CDK5RAP2: variants seen among roughly 807,000 people sequenced by gnomAD.
CDK5RAP2 encodes the protein CDK5 regulatory subunit-associated protein 2.
A neutral mutation model predicts 232.9 loss-of-function variants in CDK5RAP2; 147 were observed. The observed-to-expected ratio is 0.63, with a 90% CI of 0.55 to 0.72. The LOEUF (loss-of-function observed/expected upper bound fraction) is 0.72, where lower values mean the gene tolerates loss of function less well. Among genes scored for constraint, CDK5RAP2 ranks in the 30% least tolerant of loss-of-function variants. The pLI, the probability that CDK5RAP2 is intolerant of heterozygous loss-of-function variation, is 0.00. For synonymous variants in CDK5RAP2, 833 were observed against 833.7 expected, an observed-to-expected ratio of 1.00 and a Z score of 0.01; for missense variants, 2,195 against 2,231.5, an observed-to-expected ratio of 0.98 and a Z score of 0.33.
chr9:120,513,492 T>C (rs1222501203), intron 12 of CDK5RAP2, among the ~76,000 whole-genome samples: 1 of 152,082 alleles, frequency 6.6e-6, no homozygotes, highest in Non-Finnish European at 1.5e-5. Context: ...AGCCCCAAAC[T>C]CTTCTTCCCC....
intron 3 of CDK5RAP2, among the ~76,000 whole-genome samples, chr9:120,561,280 T>C (rs559138625): frequency 6.6e-6 from 1 of 152,278 alleles, no homozygotes; most frequent in South Asian, 2.1e-4. Flanking sequence ...AAGTATCTTA[T>C]AAATAATACT....
At chr9:120,478,788 A>G (rs1465165262) in intron 14 of CDK5RAP2, among the ~76,000 whole-genome samples, 1 of 152,158 alleles carries the variant, frequency 6.6e-6, no homozygotes, top group Non-Finnish European at 1.5e-5. Flanking sequence ...AATAACAAAC[A>G]AACAAACAAA....
intron 24 of CDK5RAP2, 114 bp from the exon 25 acceptor site, chr9:120,437,641 A>C: frequency 1.3e-6 from 1 of 767,012 alleles, no homozygotes; most frequent in South Asian, 1.5e-5. Context: ...GCAGCTGTAC[A>C]AGTATATATA....
At chr9:120,510,640 T>A (rs1006892210) in intron 12 of CDK5RAP2, among the ~76,000 whole-genome samples, 11 of 152,168 alleles carry the variant, frequency 7.2e-5, no homozygotes, top group African/African-American at 1.9e-4. Flanking sequence ...AACTCAGATG[T>A]ATGAAGGCAG....
At chr9:120,406,911 A>T in intron 32 of CDK5RAP2, 101 bp downstream of exon 32, 1 of 895,148 alleles carries the variant, frequency 1.1e-6, no homozygotes, top group Non-Finnish European at 1.8e-6. Flanking sequence ...ATCAATGGAA[A>T]GACACCTCTG....
chr9:120,475,854 G>T (rs2037977748), intron 15 of CDK5RAP2, among the ~76,000 whole-genome samples: 1 of 152,202 alleles, frequency 6.6e-6, no homozygotes, highest in East Asian at 1.9e-4. Context: ...GAGACAGTAA[G>T]GTGGGACCCC....
chr9:120,568,219 T>C, intron 3 of CDK5RAP2, 102 bp downstream of exon 3: 3 of 890,696 alleles, frequency 3.4e-6, no homozygotes, highest in South Asian at 2.6e-5. Flanking sequence ...GCCTCTGGCA[T>C]CACCGAACTT....
At chr9:120,441,929 T>C (rs751929446) in intron 23 of CDK5RAP2, among the ~76,000 whole-genome samples, 1 of 152,198 alleles carries the variant, frequency 6.6e-6, no homozygotes, top group African/African-American at 2.4e-5. Flanking sequence ...TATTTCTGGC[T>C]GAACAAGAAA....
chr9:120,400,878 T>TGTG lies in CDK5RAP2; in HGVS notation c.5312_5314dup (p.Pro1771dup). 6.2e-7 allele frequency: 1 copy of TGTG among 1,613,912 alleles called. No individual in the cohort carries two copies. Among genetic ancestry groups the TGTG allele is most frequent in the South Asian group, 1.1e-5 (1 of 91,048 alleles). On this transcript the variant is annotated inframe_insertion, in exon 35 of 38. Transcript: ENST00000349780. ...CACAAACTTGCTCAGTGGTGCTGGG[T>TGTG]GTGGACCCTACACGGGGGATATGAA...
At chr9:120,404,443 G>A (rs2033295485) in intron 32 of CDK5RAP2, among the ~76,000 whole-genome samples, 1 of 152,224 alleles carries the variant, frequency 6.6e-6, no homozygotes, top group Non-Finnish European at 1.5e-5. Flanking sequence ...CTTCCCAAAG[G>A]CTAATACCCG....
At chr9:120,510,638 T>C (rs966473923) in intron 12 of CDK5RAP2, among the ~76,000 whole-genome samples, 2 of 152,164 alleles carry the variant, frequency 1.3e-5, no homozygotes, top group African/African-American at 4.8e-5. Flanking sequence ...CAAACTCAGA[T>C]GTATGAAGGC....
intron 14 of CDK5RAP2, among the ~76,000 whole-genome samples, chr9:120,483,438 T>A (rs144118412): frequency 6.6e-6 from 1 of 152,206 alleles, no homozygotes; most frequent in Non-Finnish European, 1.5e-5. Context: ...GGGACTCAGA[T>A]GAGGTCCATG....
At chr9:120,570,004 T>C (rs2042791086) in intron 2 of CDK5RAP2, among the ~76,000 whole-genome samples, 1 of 152,040 alleles carries the variant, frequency 6.6e-6, no homozygotes, top group South Asian at 2.1e-4. Context: ...AAGTACACCT[T>C]AGTCAGCCTG....
At chr9:120,438,437 G>A (rs774839775) in intron 24 of CDK5RAP2, among the ~76,000 whole-genome samples, 2 of 152,218 alleles carry the variant, frequency 1.3e-5, no homozygotes, top group Non-Finnish European at 2.9e-5. Context: ...GTGGGGGCCA[G>A]TATCATGTGA....
rs759326177 is a variant in CDK5RAP2, at chr9:120,447,911, G to C, written c.3009C>G (p.Asp1003Glu). Residue 1003 changes from aspartate to glutamate, a missense_variant, in exon 22 of 38, where the codon GAC becomes GAG. Coordinates refer to ENST00000349780, the MANE Select transcript of CDK5RAP2 (RefSeq NM_018249.6). ...GGTGCTTACCATTCAGCAACGTTTT[G>C]TCGGGCGTTGGCCTCCCCTCCATCA... The part of the protein sequence containing the change: ...EAVMEGRPTP[D>E]KTLLNAQPPV... 11 of 1,613,498 alleles carry C rather than the reference G, an allele frequency of 6.8e-6. No homozygotes were observed. The highest frequency in any genetic ancestry group is 9.3e-6 in the Non-Finnish European group (11 of 1,179,550).
chr9:120,556,609 A>G (rs1419456454), intron 3 of CDK5RAP2, among the ~76,000 whole-genome samples: 1 of 151,796 alleles, frequency 6.6e-6, no homozygotes, highest in Non-Finnish European at 1.5e-5. Context: ...TTTTATTTTT[A>G]GTAGAGATGG....
chr9:120,574,930 G>A (rs1000383012), intron 1 of CDK5RAP2, among the ~76,000 whole-genome samples: 2 of 151,204 alleles, frequency 1.3e-5, no homozygotes, highest in Non-Finnish European at 2.9e-5. Flanking sequence ...CACCACCCTG[G>A]TACCCCTGAC....
intron 22 of CDK5RAP2, among the ~76,000 whole-genome samples, chr9:120,445,472 A>T (rs1001398020): frequency 6.6e-6 from 1 of 151,818 alleles, no homozygotes; most frequent in Admixed American, 6.6e-5. Flanking sequence ...GCTGTCTCCA[A>T]TCTCTCTCCT....
At position 120,453,429 on chromosome 9, in the gene CDK5RAP2, A is replaced by C. The variant is rs202048935; in HGVS notation, c.2793+27T>G. The C allele has an allele frequency of 6.3e-6, 10 of 1,587,080 alleles. No homozygotes were observed. The South Asian group carries it at 1.1e-4, about 18-fold the overall frequency. ...AGTTTTTTGTTTGGATAAAGTAAGT[A>C]CATAATTATTACATGGAAAAACTTA... On this transcript the variant is annotated intron_variant, in intron 21 of 37. Coordinates refer to ENST00000349780, the MANE Select transcript of CDK5RAP2 (RefSeq NM_018249.6).
Sources: gnomAD v4.1 joint callset for allele counts (sites outside exome capture counted in the v4.1 genomes callset) on GRCh38, gnomAD v4.1.1 for gene constraint, MANE v1.5 for transcripts, NCBI Gene and HGNC (gene_info 2026-07-23, HGNC 2026-07-21) for gene names.